PHF24: variants seen among roughly 807,000 people sequenced by gnomAD.
PHF24 encodes PHD finger protein 24, also known as Galpha inhibitory interacting protein.
A neutral mutation model predicts 42.6 loss-of-function variants in PHF24; 25 were observed. The observed-to-expected ratio is 0.59, with a 90% CI of 0.43 to 0.82. PHF24 has a LOEUF of 0.82. Among genes scored for constraint, PHF24 ranks in the 40% least tolerant of loss-of-function variants. PHF24 has a pLI of 0.00. For synonymous variants in PHF24, 185 were observed against 204.8 expected (o/e 0.90, Z 0.83); for missense variants, 470 against 538.1 (o/e 0.87, Z 1.25).
the PHF24 span, among the ~76,000 whole-genome samples, chr9:34,739,023 A>G: frequency 6.6e-6 from 1 of 152,146 alleles, no homozygotes; most frequent in Admixed American, 6.5e-5. Context: ...TATTTCCTCT[A>G]CCTACTTTTC....
the PHF24 span, among the ~76,000 whole-genome samples, chr9:34,951,739 C>T: frequency 1.3e-5 from 2 of 152,226 alleles, no homozygotes; most frequent in Non-Finnish European, 2.9e-5. Flanking sequence ...TAATTTGTTA[C>T]AGCAGCAATA....
At chr9:34,778,517 T>C in the PHF24 span, among the ~76,000 whole-genome samples, 1 of 151,968 alleles carries the variant, frequency 6.6e-6, no homozygotes, top group African/African-American at 2.4e-5. Context: ...AAAATGCCAT[T>C]AGGTATAATG....
the PHF24 span, among the ~76,000 whole-genome samples, chr9:34,818,528 C>A: frequency 1.3e-5 from 2 of 152,196 alleles, no homozygotes; most frequent in South Asian, 4.1e-4. Flanking sequence ...GGCGTACCCC[C>A]ACTTAGTCAT....
chr9:34,691,235 C>A, the PHF24 span: 3 of 1,088,110 alleles, frequency 2.8e-6, no homozygotes, highest in Non-Finnish European at 4.1e-6. Flanking sequence ...GACTGGGATG[C>A]AGGGGTGAAA....
chr9:34,861,584 C>T, the PHF24 span, among the ~76,000 whole-genome samples: 3 of 152,078 alleles, frequency 2.0e-5, no homozygotes, highest in African/African-American at 7.2e-5. Context: ...CACCACTGAT[C>T]AAGTTGGGGA....
At chr9:34,889,447 G>C in the PHF24 span, 11,398 of 398,560 alleles carry the variant, frequency 0.029, 869 homozygotes, top group African/African-American at 0.19. Flanking sequence ...GTTGTCTTCT[G>C]TGTTGTAGCT....
the PHF24 span, among the ~76,000 whole-genome samples, chr9:34,712,611 T>G: frequency 6.6e-6 from 1 of 152,170 alleles, no homozygotes; most frequent in Admixed American, 6.6e-5. Context: ...TGAGTCCTTT[T>G]TTTCTTTTTA....
At chr9:34,955,705 T>C (rs539743434), upstream of PHF24, among the ~76,000 whole-genome samples, 3 of 152,320 alleles carry the variant, frequency 2.0e-5, no homozygotes, top group East Asian at 3.9e-4. Flanking sequence ...GGCTGCTCTC[T>C]AGCAACCCTT....
At chr9:34,866,319 G>A in the PHF24 span, among the ~76,000 whole-genome samples, 1 of 152,168 alleles carries the variant, frequency 6.6e-6, no homozygotes, top group African/African-American at 2.4e-5. Context: ...CTGTGTGCCT[G>A]CCTTTCTGTG....
the PHF24 span, among the ~76,000 whole-genome samples, chr9:34,912,468 G>A: frequency 6.6e-6 from 1 of 152,092 alleles, no homozygotes; most frequent in African/African-American, 2.4e-5. Flanking sequence ...ACTTCCATGT[G>A]CATTGTCACA....
chr9:34,726,107 G>C, the PHF24 span: 2 of 1,479,922 alleles, frequency 1.4e-6, no homozygotes, highest in Admixed American at 4.1e-5. Context: ...GTTCATTGTG[G>C]ACCATTCAGA....
the PHF24 span, among the ~76,000 whole-genome samples, chr9:34,710,466 C>CTTTT: frequency 1.7e-4 from 20 of 117,426 alleles, 1 homozygote; most frequent in East Asian, 5.6e-4. Context: ...TGTAAGAGTT[C>CTTTT]TTTTTTTTTT....
the PHF24 span, among the ~76,000 whole-genome samples, chr9:34,893,577 G>T: frequency 6.6e-6 from 1 of 151,700 alleles, no homozygotes; most frequent in East Asian, 1.9e-4. Flanking sequence ...CTCCAGCCTG[G>T]GCAACAAGAG....
At chr9:34,765,147 G>A in the PHF24 span, among the ~76,000 whole-genome samples, 8 of 151,646 alleles carry the variant, frequency 5.3e-5, no homozygotes, top group African/African-American at 1.9e-4. Context: ...GAATAGGTGT[G>A]GTGTGGTGCT....
chr9:34,799,995 T>C, the PHF24 span, among the ~76,000 whole-genome samples: 1 of 151,316 alleles, frequency 6.6e-6, no homozygotes, highest in Non-Finnish European at 1.5e-5. Context: ...GATGGGGGAG[T>C]GGGAGAGAGT....
the PHF24 span, chr9:34,832,667 T>G: frequency 6.5e-7 from 1 of 1,541,026 alleles, no homozygotes; most frequent in East Asian, 2.4e-5. Flanking sequence ...TAATTTTATT[T>G]CTGAAGCTAG....
intron 3 of PHF24, among the ~76,000 whole-genome samples, chr9:34,974,245 C>T (rs1827108463): frequency 6.6e-6 from 1 of 152,222 alleles, no homozygotes; most frequent in Non-Finnish European, 1.5e-5. Flanking sequence ...CTGACATCTG[C>T]ATCCATCATT....
the PHF24 span, among the ~76,000 whole-genome samples, chr9:34,945,566 A>G: frequency 1.3e-5 from 2 of 152,098 alleles, no homozygotes; most frequent in African/African-American, 2.4e-5. Flanking sequence ...AGGAGGTGGG[A>G]TCTTTAAGGG....
the PHF24 span, chr9:34,725,745 T>C: frequency 0.67 from 1,037,644 of 1,546,872 alleles, 346,853 homozygotes; most frequent in South Asian, 0.79. Flanking sequence ...GATGGAGACA[T>C]CCAGTTTGGG....
Sources: allele counts gnomAD v4.1 joint callset (sites outside exome capture counted in the v4.1 genomes callset), GRCh38; gene constraint gnomAD v4.1.1; transcripts MANE v1.5; gene names NCBI Gene and HGNC (gene_info 2026-07-23, HGNC 2026-07-21).